Variants in TUNAR observed in about 807,000 individuals in gnomAD.
TUNAR encodes transmembrane neural differentiation associated intracellular calcium regulator.
exon 3 of TUNAR, chr14:95,923,270 G>A (rs957725801): frequency 7.7e-6 from 2 of 259,410 alleles, no homozygotes; most frequent in African/African-American, 4.4e-5. Context: ...GAGCGGATGG[G>A]TGCAGAAATT....
intron 2 of TUNAR, among the ~76,000 whole-genome samples, chr14:95,893,605 TGC>T (rs1292226596): frequency 2.0e-5 from 3 of 147,058 alleles, no homozygotes; most frequent in Non-Finnish European, 4.5e-5. Flanking sequence ...GCCAGCAGAG[TGC>T]CAGGGGCATA....
intron 2 of TUNAR, among the ~76,000 whole-genome samples, chr14:95,920,796 C>A (rs1035374566): frequency 2.0e-5 from 3 of 152,140 alleles, no homozygotes; most frequent in African/African-American, 7.2e-5. Flanking sequence ...TGTGATCCTT[C>A]CTGGATATGT....
At chr14:95,917,917 G>C (rs550227199) in intron 2 of TUNAR, among the ~76,000 whole-genome samples, 1 of 152,204 alleles carries the variant, frequency 6.6e-6, no homozygotes, top group Non-Finnish European at 1.5e-5. Flanking sequence ...TTAGAATATT[G>C]TTGTTACTCC....
intron 2 of TUNAR, among the ~76,000 whole-genome samples, chr14:95,909,991 G>A (rs1412912442): frequency 6.6e-6 from 1 of 152,162 alleles, no homozygotes; most frequent in African/African-American, 2.4e-5. Flanking sequence ...TGGAATGTGG[G>A]GGGCATTTGA....
At chr14:95,879,259 C>T (rs1207283701) in intron 2 of TUNAR, among the ~76,000 whole-genome samples, 1 of 152,168 alleles carries the variant, frequency 6.6e-6, no homozygotes, top group Non-Finnish European at 1.5e-5. Flanking sequence ...CATGTCCCAC[C>T]TTTTTCCCAG....
At position 95,906,611 on chromosome 14, in the gene TUNAR, A is replaced by G. The variant is rs60066803; in HGVS notation, c.13-16170A>G. On this transcript the variant is annotated intron_variant, in intron 2 of 2. Transcript: ENST00000678517. ...CTCAGCCTTATGCTATCCAATCAAAATACTGTTTTCCAAAATTACTTAGGT... is the reference window on the plus strand; with the variant it reads ...CTCAGCCTTATGCTATCCAATCAAAGTACTGTTTTCCAAAATTACTTAGGT... Among the ~76,000 whole-genome samples, 644 of 152,342 alleles carry G rather than the reference A, an allele frequency of 4.2e-3. 1 individual carries two copies. The highest frequency in any genetic ancestry group is 0.015 in the African/African-American group (614 of 41,570).
At chr14:95,892,804 C>T (rs898329871) in intron 2 of TUNAR, among the ~76,000 whole-genome samples, 3 of 152,170 alleles carry the variant, frequency 2.0e-5, no homozygotes, top group African/African-American at 7.2e-5. Context: ...CATTTTAAAA[C>T]CATGCACGAC....
chr14:95,881,936 G>A (rs1224410423), intron 2 of TUNAR, among the ~76,000 whole-genome samples: 4 of 152,188 alleles, frequency 2.6e-5, no homozygotes, highest in East Asian at 1.9e-4. Context: ...TGTCTCTGAC[G>A]CTGGCCTTGC....
At chr14:95,901,846 G>A (rs1311740436) in intron 2 of TUNAR, among the ~76,000 whole-genome samples, 1 of 152,166 alleles carries the variant, frequency 6.6e-6, no homozygotes, top group Non-Finnish European at 1.5e-5. Flanking sequence ...AGAGTGATGG[G>A]AATAGGGGAC....
intron 2 of TUNAR, among the ~76,000 whole-genome samples, chr14:95,891,902 G>C (rs1266470341): frequency 6.6e-6 from 1 of 152,214 alleles, no homozygotes; most frequent in African/African-American, 2.4e-5. Flanking sequence ...ATTCTTGCCT[G>C]TAGCTGCACC....
chr14:95,923,462 T>C (rs1274853562), exon 3 of TUNAR: 1 of 152,568 alleles, frequency 6.6e-6, no homozygotes, highest in Non-Finnish European at 1.5e-5. Context: ...AACTATTTGA[T>C]ACTGGGGAGA....
intron 2 of TUNAR, among the ~76,000 whole-genome samples, chr14:95,883,434 T>C (rs1479027999): frequency 6.6e-6 from 1 of 152,200 alleles, no homozygotes; most frequent in Non-Finnish European, 1.5e-5. Flanking sequence ...CTCAGACAGA[T>C]GTCAGGGACA....
chr14:95,898,002 A>G (rs947942395), intron 2 of TUNAR, among the ~76,000 whole-genome samples: 3 of 151,550 alleles, frequency 2.0e-5, no homozygotes, highest in African/African-American at 7.3e-5. Context: ...CCCCTCCTCT[A>G]CCCAGGGTAC....
intron 2 of TUNAR, among the ~76,000 whole-genome samples, chr14:95,903,773 G>A (rs1889389939): frequency 6.6e-6 from 1 of 152,252 alleles, no homozygotes; most frequent in Non-Finnish European, 1.5e-5. Flanking sequence ...ACTGGGGGCA[G>A]ATGGTGGCTG....
intron 2 of TUNAR, among the ~76,000 whole-genome samples, chr14:95,907,198 A>G (rs757977150): frequency 6.6e-6 from 1 of 152,126 alleles, no homozygotes. Context: ...CCCTTCTCCT[A>G]TATCTGAGCA....
At chr14:95,885,809 A>G (rs1292375794) in intron 2 of TUNAR, among the ~76,000 whole-genome samples, 1 of 152,206 alleles carries the variant, frequency 6.6e-6, no homozygotes, top group Non-Finnish European at 1.5e-5. Context: ...TCTATATTAT[A>G]GGATAGTGAA....
intron 2 of TUNAR, among the ~76,000 whole-genome samples, chr14:95,880,947 T>G (rs1240869773): frequency 6.6e-6 from 1 of 152,232 alleles, no homozygotes; most frequent in Non-Finnish European, 1.5e-5. Flanking sequence ...CTCAGAGAGC[T>G]GAAGTGTCTT....
intron 2 of TUNAR, among the ~76,000 whole-genome samples, chr14:95,901,259 G>A (rs559342413): frequency 1.0e-3 from 156 of 152,240 alleles, no homozygotes; most frequent in Non-Finnish European, 1.9e-3. Flanking sequence ...GGAAATGCTC[G>A]AGCAGAAATC....
chr14:95,916,933 T>G (rs1055206083), intron 2 of TUNAR, among the ~76,000 whole-genome samples: 13 of 152,350 alleles, frequency 8.5e-5, no homozygotes, highest in Admixed American at 2.0e-4. Context: ...GACATGGTTT[T>G]GCCCAGTTTT....
Sources: allele counts gnomAD v4.1 joint callset (sites outside exome capture counted in the v4.1 genomes callset), GRCh38; gene constraint gnomAD v4.1.1; transcripts MANE v1.5; gene names NCBI Gene and HGNC (gene_info 2026-07-23, HGNC 2026-07-21).